SVEP1: variants seen among roughly 807,000 people sequenced by gnomAD.
SVEP1 encodes sushi, von Willebrand factor type A, EGF and pentraxin domain containing 1.
A neutral mutation model predicts 367.3 loss-of-function variants in SVEP1; 164 were observed. That is an observed-to-expected ratio of 0.45 (90% CI 0.39 to 0.51). The LOEUF is 0.51. SVEP1 is among the 20% of genes least tolerant of loss of function. The pLI, the probability that SVEP1 is intolerant of heterozygous loss-of-function variation, is 0.00. For missense variants in SVEP1, 4,117 were observed against 4,425.3 expected (o/e 0.93, Z 1.98); for synonymous variants, 1,666 against 1,611.6 (o/e 1.03, Z -0.81).
At chr9:110,516,397 G>T (rs1339233207) in intron 3 of SVEP1, among the ~76,000 whole-genome samples, 4 of 151,714 alleles carry the variant, frequency 2.6e-5, no homozygotes. Context: ...GATCTGGAGA[G>T]ATTTGTGACT....
intron 27 of SVEP1, 68 bp from the exon 28 acceptor site, chr9:110,436,572 A>G: frequency 6.5e-7 from 1 of 1,536,080 alleles, no homozygotes; most frequent in African/African-American, 1.4e-5. Context: ...CTAAAATCCA[A>G]ATTTAATGAA....
intron 33 of SVEP1, 79 bp from the exon 34 acceptor site, chr9:110,430,083 G>A (rs1207083286): frequency 4.2e-6 from 6 of 1,417,446 alleles, no homozygotes; most frequent in South Asian, 1.3e-5. Context: ...GGCAGCTCAA[G>A]ATCTTTTTTT....
chr9:110,545,737 C>T (rs1311661445), intron 3 of SVEP1, among the ~76,000 whole-genome samples: 2 of 152,152 alleles, frequency 1.3e-5, no homozygotes, highest in Non-Finnish European at 2.9e-5. Context: ...TGAACCTAGG[C>T]TTCAAGGGGC....
At chr9:110,427,955 G>A (rs1220605615) in intron 35 of SVEP1, among the ~76,000 whole-genome samples, 197 bp from the exon 36 acceptor site, 1 of 152,158 alleles carries the variant, frequency 6.6e-6, no homozygotes, top group Non-Finnish European at 1.5e-5. Context: ...AACAATGAAT[G>A]GGTGAAAACA....
intron 36 of SVEP1, among the ~76,000 whole-genome samples, chr9:110,417,174 CG>C (rs1158077148): frequency 1.3e-5 from 2 of 150,902 alleles, no homozygotes; most frequent in African/African-American, 4.9e-5. Flanking sequence ...ACGCAGAAGA[CG>C]GGTGATTTCT....
chr9:110,411,837 AT>A, intron 36 of SVEP1, 102 bp from the exon 37 acceptor site: 2 of 1,101,286 alleles, frequency 1.8e-6, no homozygotes, highest in Non-Finnish European at 2.5e-6. Context: ...ATGACTTTAA[AT>A]TTATCTTTAA....
At chr9:110,432,130 T>G (rs558259663) in intron 31 of SVEP1, 96 bp from the exon 32 acceptor site, 2 of 1,282,462 alleles carry the variant, frequency 1.6e-6, no homozygotes, top group African/African-American at 3.0e-5. Flanking sequence ...TATCACGTAA[T>G]GCACAACACT....
At chr9:110,543,640 GCA>G (rs546428022) in intron 3 of SVEP1, among the ~76,000 whole-genome samples, 28 of 152,174 alleles carry the variant, frequency 1.8e-4, no homozygotes, top group Non-Finnish European at 2.9e-4. Flanking sequence ...AAGAGTCGCA[GCA>G]CAGAGTGGCT....
At chr9:110,452,994 G>C (rs1208414226) in intron 22 of SVEP1, among the ~76,000 whole-genome samples, 1 of 152,166 alleles carries the variant, frequency 6.6e-6, no homozygotes, top group Non-Finnish European at 1.5e-5. Context: ...TTGCATGGAT[G>C]TGAAATAGAG....
chr9:110,502,950 T>C (rs986283602), intron 6 of SVEP1, 88 bp downstream of exon 6: 16 of 1,359,948 alleles, frequency 1.2e-5, no homozygotes, highest in Non-Finnish European at 1.5e-5. Flanking sequence ...TACCAGCTAG[T>C]GTTTAGTTTT....
chr9:110,392,662 G>C (rs1211460800), intron 40 of SVEP1, among the ~76,000 whole-genome samples: 2 of 152,182 alleles, frequency 1.3e-5, no homozygotes, highest in East Asian at 1.9e-4. Flanking sequence ...GCACTGGAAA[G>C]ACAATTCTTC....
intron 5 of SVEP1, among the ~76,000 whole-genome samples, chr9:110,504,108 G>A (rs1829584926): frequency 6.6e-6 from 1 of 151,956 alleles, no homozygotes; most frequent in South Asian, 2.1e-4. Flanking sequence ...AGGCTGAAGT[G>A]CAGTGGCGTG....
At chr9:110,433,465 CTTT>C (rs11300153) in intron 30 of SVEP1, among the ~76,000 whole-genome samples, 4,837 of 119,938 alleles carry the variant, frequency 0.04, 94 homozygotes, top group Middle Eastern at 0.062. Context: ...TTTTGTATTA[CTTT>C]TTTTTTTTTT....
intron 46 of SVEP1, among the ~76,000 whole-genome samples, chr9:110,370,366 A>AT (rs960863971): frequency 6.6e-6 from 1 of 152,018 alleles, no homozygotes; most frequent in Non-Finnish European, 1.5e-5. Flanking sequence ...TGAACTATAA[A>AT]TTTTTTTGTG....
chr9:110,383,948 C>T (rs1827482174), intron 43 of SVEP1, among the ~76,000 whole-genome samples: 1 of 121,858 alleles, frequency 8.2e-6, no homozygotes, highest in Non-Finnish European at 1.7e-5. Flanking sequence ...GCCCAGTCTC[C>T]CTGGCACCAG....
At chr9:110,491,619 A>ATGTGTGTGTGTGTGTGTGGG (rs1564157984) in intron 8 of SVEP1, among the ~76,000 whole-genome samples, 1 of 112,148 alleles carries the variant, frequency 8.9e-6, no homozygotes, top group African/African-American at 3.7e-5. Flanking sequence ...GTGTGTGTGC[A>ATGTGTGTGTGTGTGTGTGGG]AATTTATCTG....
rs1171527085 is a variant in SVEP1, at chr9:110,432,018, T to G, written c.5250A>C (p.Ala1750=). ...SPSCLDVDEC[A]VGSDCSEHAS... Reference sequence around the variant, plus strand: ...CATGCTCACTACAATCTGATCCAACTGCACACTCATCGACATCTAAAATGA... The same window carrying G: ...CATGCTCACTACAATCTGATCCAACGGCACACTCATCGACATCTAAAATGA... The change falls in exon 32 of 48, where the codon GCA becomes GCC. Residue 1750 remains alanine, a synonymous_variant. Coordinates refer to ENST00000374469, the MANE Select transcript of SVEP1 (RefSeq NM_153366.4). The G allele has an allele frequency of 1.2e-6, 2 of 1,608,192 alleles. No homozygotes were observed. The highest frequency in any genetic ancestry group is 3.4e-5 in the Admixed American group (2 of 58,704).
chr9:110,558,700 A>C (rs1255619084), intron 1 of SVEP1, among the ~76,000 whole-genome samples: 1 of 152,022 alleles, frequency 6.6e-6, no homozygotes, highest in Non-Finnish European at 1.5e-5. Flanking sequence ...AATGAAAGAC[A>C]GAGATCCACA....
chr9:110,535,463 T>G (rs192760562), intron 3 of SVEP1, among the ~76,000 whole-genome samples: 118 of 152,288 alleles, frequency 7.7e-4, no homozygotes, highest in Non-Finnish European at 1.5e-3. Context: ...TGCGTCCACC[T>G]TTTTTCTTTT....
Sources: gnomAD v4.1 joint callset for allele counts (sites outside exome capture counted in the v4.1 genomes callset) on GRCh38, gnomAD v4.1.1 for gene constraint, MANE v1.5 for transcripts, NCBI Gene and HGNC (gene_info 2026-07-23, HGNC 2026-07-21) for gene names.